The following GRM5 variants were observed in gnomAD, a reference collection of about 807,000 sequenced individuals.
GRM5 encodes the protein metabotropic glutamate receptor 5.
A neutral mutation model predicts 83.1 loss-of-function variants in GRM5; 19 were observed. That is an observed-to-expected ratio of 0.23 (90% CI 0.16 to 0.34). The LOEUF is 0.34. Among genes scored for constraint, GRM5 ranks in the 10% least tolerant of loss-of-function variants. The probability of loss-of-function intolerance (pLI) is 1.00; values close to 1 mark genes in which losing one functional copy is unlikely to be tolerated. For synonymous variants in GRM5, 675 were observed against 633.6 expected (o/e 1.07, Z -0.98); for missense variants, 1,160 against 1,588.3 (o/e 0.73, Z 4.58).
At chr11:88,643,634 C>T (rs954665111) in intron 4 of GRM5, among the ~76,000 whole-genome samples, 3 of 152,096 alleles carry the variant, frequency 2.0e-5, no homozygotes, top group Non-Finnish European at 2.9e-5. Context: ...TAATGTGGTG[C>T]AAGGATGAGG....
chr11:88,751,083 A>AAC (rs1555007934), intron 3 of GRM5, among the ~76,000 whole-genome samples: 3 of 147,946 alleles, frequency 2.0e-5, no homozygotes, highest in African/African-American at 7.3e-5. Flanking sequence ...AAAAAAAAAA[A>AAC]AAAAAAAAAA....
At chr11:88,844,930 A>C (rs1944271201) in intron 3 of GRM5, among the ~76,000 whole-genome samples, 1 of 152,228 alleles carries the variant, frequency 6.6e-6, no homozygotes, top group Admixed American at 6.5e-5. Flanking sequence ...AGATCAGCAA[A>C]GAAAGTGGTT....
intron 4 of GRM5, among the ~76,000 whole-genome samples, chr11:88,629,230 T>C (rs1938890806): frequency 6.6e-6 from 1 of 152,154 alleles, no homozygotes; most frequent in South Asian, 2.1e-4. Context: ...TAACATAAAA[T>C]TCCTTCAAAT....
intron 3 of GRM5, among the ~76,000 whole-genome samples, chr11:88,801,323 G>A (rs12293746): frequency 4.6e-5 from 7 of 152,078 alleles, no homozygotes; most frequent in Non-Finnish European, 8.8e-5. Flanking sequence ...ATAAATTACT[G>A]TTAAGTTGGT....
chr11:88,552,178 C>G lies in GRM5; in HGVS notation c.2630+14875G>C, dbSNP rs115943935. ...TAACTGGTATGATAGCTGTCTGTCA[C>G]CACATCTAGCTATTTTGTTTAATTT... On this transcript the variant is annotated intron_variant, in intron 8 of 9. Transcript: ENST00000305447. Among the ~76,000 whole-genome samples the G allele has an allele frequency of 4.2e-3, 637 of 152,086 alleles. 2 individuals carry two copies. The highest frequency in any genetic ancestry group is 0.015 in the African/African-American group (610 of 41,488).
chr11:88,696,610 G>A (rs1328541976), intron 3 of GRM5, among the ~76,000 whole-genome samples: 1 of 152,150 alleles, frequency 6.6e-6, no homozygotes, highest in African/African-American at 2.4e-5. Context: ...AGACACACCT[G>A]GATTCCGACA....
At chr11:89,064,388 C>T (rs1200022276) in intron 1 of GRM5, among the ~76,000 whole-genome samples, 2 of 152,176 alleles carry the variant, frequency 1.3e-5, no homozygotes, top group African/African-American at 4.8e-5. Flanking sequence ...GCTCTCAGAA[C>T]TCCAAGTTCA....
chr11:88,730,480 G>T (rs927468400), intron 3 of GRM5, among the ~76,000 whole-genome samples: 2 of 151,984 alleles, frequency 1.3e-5, no homozygotes, highest in Admixed American at 1.3e-4. Context: ...AGGATCTAGT[G>T]CCAGAAATAC....
intron 8 of GRM5, among the ~76,000 whole-genome samples, chr11:88,535,319 A>G (rs1942109618): frequency 6.6e-6 from 1 of 152,122 alleles, no homozygotes; most frequent in Non-Finnish European, 1.5e-5. Context: ...TCTTCTGGAG[A>G]CTTCTGAGAA....
At chr11:89,055,587 T>C (rs1460744826) in intron 1 of GRM5, among the ~76,000 whole-genome samples, 1 of 152,092 alleles carries the variant, frequency 6.6e-6, no homozygotes, top group Non-Finnish European at 1.5e-5. Context: ...GGGACTTGAA[T>C]TCAACAAAAT....
At chr11:88,931,452 A>AG in intron 2 of GRM5, among the ~76,000 whole-genome samples, 1 of 151,382 alleles carries the variant, frequency 6.6e-6, no homozygotes, top group Middle Eastern at 3.4e-3. Context: ...AAAAAAAAAA[A>AG]TCATCCTAAT....
At chr11:88,639,736 T>C (rs764843430) in intron 4 of GRM5, among the ~76,000 whole-genome samples, 6 of 152,022 alleles carry the variant, frequency 3.9e-5, no homozygotes, top group Non-Finnish European at 8.8e-5. Context: ...TACAGGTGCC[T>C]GCCACCACGC....
At chr11:88,631,514 C>T (rs1055975200) in intron 4 of GRM5, among the ~76,000 whole-genome samples, 1 of 152,098 alleles carries the variant, frequency 6.6e-6, no homozygotes, top group Non-Finnish European at 1.5e-5. Context: ...GGATCTTTAC[C>T]TATATCATGC....
At chr11:89,028,111 G>A (rs1371902332) in intron 2 of GRM5, among the ~76,000 whole-genome samples, 3 of 152,124 alleles carry the variant, frequency 2.0e-5, no homozygotes, top group Non-Finnish European at 2.9e-5. Flanking sequence ...CCAGCCAACA[G>A]AATTGTGAGC....
chr11:88,925,092 T>C (rs1437176167), intron 2 of GRM5, among the ~76,000 whole-genome samples: 1 of 152,044 alleles, frequency 6.6e-6, no homozygotes, highest in Non-Finnish European at 1.5e-5. Flanking sequence ...ACACGTGTTG[T>C]TGAAACATAG....
chr11:88,613,867 T>C (rs1156335743), intron 4 of GRM5, among the ~76,000 whole-genome samples: 1 of 152,138 alleles, frequency 6.6e-6, no homozygotes, highest in East Asian at 1.9e-4. Context: ...CTATATACCT[T>C]ATTATAGAAT....
At chr11:89,030,174 C>T (rs1002166624) in intron 2 of GRM5, among the ~76,000 whole-genome samples, 14 of 152,142 alleles carry the variant, frequency 9.2e-5, no homozygotes, top group African/African-American at 3.4e-4. Flanking sequence ...CCCTAATGTA[C>T]TTCCTAAATG....
chr11:88,681,948 C>G (rs1462252087), intron 3 of GRM5, among the ~76,000 whole-genome samples: 1 of 152,072 alleles, frequency 6.6e-6, no homozygotes, highest in African/African-American at 2.4e-5. Context: ...CCTTGTCCTA[C>G]TCATTAAATG....
chr11:88,803,380 C>T lies in GRM5; in HGVS notation c.911+46526G>A, dbSNP rs1440537435. Among the ~76,000 whole-genome samples, 13 of 152,076 alleles carry T rather than the reference C, an allele frequency of 8.5e-5. 1 individual carries two copies. In the South Asian group the frequency reaches 1.9e-3, roughly 22 times the overall value. On this transcript the variant is annotated intron_variant, in intron 3 of 9. Coordinates refer to ENST00000305447, the MANE Select transcript of GRM5 (RefSeq NM_001143831.3). ...AGAACAGAGCCCTCAGAAATAACAC[C>T]GCATATCTACAACTATCTGATCTTT... is the stretch of plus-strand genomic sequence containing the variant.
Sources: allele counts gnomAD v4.1 joint callset (sites outside exome capture counted in the v4.1 genomes callset), GRCh38; gene constraint gnomAD v4.1.1; transcripts MANE v1.5; gene names NCBI Gene and HGNC (gene_info 2026-07-23, HGNC 2026-07-21).